The following DYNC1H1 variants were observed in gnomAD, a reference collection of about 807,000 sequenced individuals.
The protein encoded by DYNC1H1 is dynein cytoplasmic 1 heavy chain 1.
In DYNC1H1, 51 loss-of-function variants were observed where a neutral mutation model predicts 527.1. That is an observed-to-expected ratio of 0.10 (90% confidence interval 0.08 to 0.12). The LOEUF is 0.12. DYNC1H1 is among the 10% of genes least tolerant of loss of function. The probability of loss-of-function intolerance (pLI) is 1.00; values close to 1 mark genes in which losing one functional copy is unlikely to be tolerated. For synonymous variants in DYNC1H1, 2,189 were observed against 2,278.8 expected (o/e 0.96, Z 1.12); for missense variants, 2,771 against 5,971.8 (o/e 0.46, Z 17.66).
Position 102,011,784 on chromosome 14 carries a change from C to T in DYNC1H1, c.6619-91C>T. 2 of 1,364,768 alleles carry T rather than the reference C, an allele frequency of 1.5e-6. No homozygotes were observed. The highest frequency in any genetic ancestry group is 1.0e-6 in the Non-Finnish European group (1 of 959,380). 84.5% of individuals were successfully genotyped at this position (1,364,768 alleles called of 1,614,324 possible). Reference sequence around the variant, plus strand: ...AAAAAAAAATCCACACATAATGTTTCTTGCTCACTTTCACAAGAGGTGGCT... The same window carrying T: ...AAAAAAAAATCCACACATAATGTTTTTTGCTCACTTTCACAAGAGGTGGCT... On this transcript the variant is annotated intron_variant, in intron 32 of 77. Transcript: ENST00000360184. This position sits in a 1 kb window ranked among gnomAD's most constrained non-coding sequence, Gnocchi z 5.3.
Position 102,036,334 on chromosome 14 carries a change from C to A in DYNC1H1, c.10755-155C>A. The A allele has an allele frequency of 1.1e-6, 1 of 888,410 alleles. No individual in the cohort carries two copies. The highest frequency in any genetic ancestry group is 1.8e-6 in the Non-Finnish European group (1 of 551,682). The allele number at this position is 888,410 out of a possible 1,614,324, so 55.0% of individuals were successfully genotyped here. ...GTGATGTTAGCATTAAGCATGTAAG[C>A]TTTATTGGTAAACCTGAAAACGTCT... On this transcript the variant is annotated intron_variant, in intron 56 of 77. Transcript: ENST00000360184. This position sits in a 1 kb window ranked among gnomAD's most constrained non-coding sequence, Gnocchi z 5.6.
In DYNC1H1 at chr14:102,010,077, C is replaced by T. The variant is rs757634780; in HGVS notation, c.6212C>T (p.Pro2071Leu). The T allele has an allele frequency of 6.2e-7, 1 of 1,613,636 alleles. No individual in the cohort carries two copies. Among genetic ancestry groups the T allele is most frequent in the Non-Finnish European group, 8.5e-7 (1 of 1,180,038 alleles). The change falls in exon 30 of 78, where the codon CCG becomes CTG. Residue 2071 changes from proline (P) to leucine (L), a missense_variant. Around this residue, in one of 32 missense-constraint regions of DYNC1H1, gnomAD observed 19 missense variants for 90.4 expected, o/e 0.21. Coordinates refer to ENST00000360184, the MANE Select transcript of DYNC1H1 (RefSeq NM_001376.5). This position sits in a 1 kb window ranked among gnomAD's most constrained non-coding sequence, Gnocchi z 6.0. ...GAAGTGCTTGCCAACAAAATCGTCC[C>T]GTTTTTTAAGTAAGTAGCCTAGAAT... Reference protein sequence around the residue: ...TAEVLANKIVPFFKLCDEQLS... With the variant: ...TAEVLANKIVLFFKLCDEQLS...
intron 27 of DYNC1H1, 84 bp downstream of exon 27, chr14:102,006,254 T>G: frequency 6.3e-7 from 1 of 1,580,638 alleles, no homozygotes; most frequent in East Asian, 2.3e-5. Context: ...TGTACTTCTT[T>G]TTGAGATGGA....
chr14:102,025,395 ACTCTGT>A (rs1416451104), intron 43 of DYNC1H1, among the ~76,000 whole-genome samples: 2 of 147,630 alleles, frequency 1.4e-5, no homozygotes, highest in Admixed American at 6.8e-5. Context: ...ACAGAGGGAG[ACTCTGT>A]CTCAAAAAAA....
Position 102,027,015 on chromosome 14 carries a change from C to A in DYNC1H1, c.8772-159C>A. 1 of 940,530 alleles carries A rather than the reference C, an allele frequency of 1.1e-6. No homozygotes were observed. The highest frequency in any genetic ancestry group is 1.7e-6 in the Non-Finnish European group (1 of 582,240). 58.3% of individuals were successfully genotyped at this position (940,530 alleles called of 1,614,324 possible). ...CAGGACCGTGTCTTACTGGTCTTTGCATTCCTCCTGGACTTCACAAATAAC... is the reference window on the plus strand; with the variant it reads ...CAGGACCGTGTCTTACTGGTCTTTGAATTCCTCCTGGACTTCACAAATAAC... On this transcript the variant is annotated intron_variant, in intron 44 of 77. Coordinates refer to ENST00000360184, the MANE Select transcript of DYNC1H1 (RefSeq NM_001376.5). This position sits in a 1 kb window ranked among gnomAD's most constrained non-coding sequence, Gnocchi z 7.7.
Position 102,006,142 on chromosome 14 carries a change from G to A in DYNC1H1, c.5688G>A (p.Leu1896=), listed in dbSNP as rs2048193879. 1.2e-6 allele frequency: 2 copies of A among 1,613,982 alleles called. No individual in the cohort carries two copies. Among genetic ancestry groups the A allele is most frequent in the Admixed American group, 1.7e-5 (1 of 60,014 alleles). Residue 1896 remains leucine, a synonymous_variant, in exon 27 of 78, where the codon TTG becomes TTA. Coordinates refer to ENST00000360184, the MANE Select transcript of DYNC1H1 (RefSeq NM_001376.5). ...DRCYLTMTQA[L]EARLGGSPFG... ...GCTATTTGACAATGACACAAGCCTT[G>A]GAGGCCAGGCTGGGGGGTTCCCCAT... is the stretch of plus-strand genomic sequence containing the variant.
rs761312493 is a variant in DYNC1H1 at position 102,008,246 on chromosome 14, C to A, written c.5886C>A (p.Arg1962=). Residue 1962 remains arginine (R), a synonymous_variant, in exon 29 of 78, where the codon CGC becomes CGA. Transcript: ENST00000360184. ...GAWGCFDEFN[R]LEERMLSAVS... ...GGGGCTGCTTTGACGAGTTCAACCG[C>A]CTGGAGGAGCGGATGCTCTCGGCTG... The A allele has an allele frequency of 1.2e-6, 2 of 1,614,218 alleles. No homozygotes were observed. Among genetic ancestry groups the A allele is most frequent in the Non-Finnish European group, 1.7e-6 (2 of 1,180,034 alleles).
Position 102,011,896 on chromosome 14 carries a change from A to G in DYNC1H1, c.6640A>G (p.Thr2214Ala). ...VEKVLQLYQI[T>A]QINHGLMMVG... ...GCAGGTTCTCCAGCTCTATCAGATC[A>G]CCCAGATCAATCATGGCCTGATGAT... The change falls in exon 33 of 78, where the codon ACC becomes GCC. Residue 2214 changes from threonine to alanine, a missense_variant. By Grantham distance (58) the Thr-to-Ala change is moderately conservative. This residue lies in a region of DYNC1H1 where 56 missense variants were observed against 140.6 expected (regional missense o/e 0.40). Coordinates refer to ENST00000360184, the MANE Select transcript of DYNC1H1 (RefSeq NM_001376.5). The surrounding 1 kb of genome is among the most constrained non-coding windows in gnomAD (Gnocchi z 5.3). 8 of 1,614,062 alleles carry G rather than the reference A, an allele frequency of 5.0e-6. No individual in the cohort carries two copies. Among genetic ancestry groups the G allele is most frequent in the Non-Finnish European group, 6.8e-6 (8 of 1,180,016 alleles).
chr14:102,006,667 C>T (rs1185377620), intron 27 of DYNC1H1, among the ~76,000 whole-genome samples: 1 of 151,928 alleles, frequency 6.6e-6, no homozygotes, highest in African/African-American at 2.4e-5. Context: ...GTGGTGCAAC[C>T]TTGGCTCATT....
At position 102,000,575 on chromosome 14, in the gene DYNC1H1, T is replaced by C. The variant is rs1198239924; in HGVS notation, c.4074+176T>C. 2.2e-5 allele frequency: 7 copies of C among 314,220 alleles called. No homozygotes were observed. The East Asian group carries it at 4.8e-4, about 21-fold the overall frequency. The allele number at this position is 314,220 out of a possible 1,614,324, so 19.5% of individuals were successfully genotyped here. On this transcript the variant is annotated intron_variant, in intron 18 of 77. Transcript: ENST00000360184. ...TACTGTAAAACTTATTTTGAAACCTTTTTTTTTTTTTTTTTTGAGACGGAG... is the reference window on the plus strand; with the variant it reads ...TACTGTAAAACTTATTTTGAAACCTCTTTTTTTTTTTTTTTTGAGACGGAG...
intron 23 of DYNC1H1, among the ~76,000 whole-genome samples, chr14:102,003,883 G>A (rs573740694): frequency 9.5e-4 from 144 of 151,762 alleles, no homozygotes; most frequent in African/African-American, 3.3e-3. Flanking sequence ...CCACGATTGC[G>A]CCGCTGCACT....
rs758289745 is a variant in DYNC1H1, at chr14:102,008,154, C to T, written c.5818-24C>T. 1.7e-5 allele frequency: 28 copies of T among 1,612,870 alleles called. No homozygotes were observed. In the South Asian group the frequency reaches 1.9e-4, roughly 11 times the overall value. ...TTGAGGGCACAGCAGGTGGTTTTAG[C>T]GCCTTTCTTCCTCTCCTTTCCAGGC... is the stretch of plus-strand genomic sequence containing the variant. On this transcript the variant is annotated intron_variant, in intron 28 of 77. Coordinates refer to ENST00000360184, the MANE Select transcript of DYNC1H1 (RefSeq NM_001376.5).
Position 102,001,825 on chromosome 14 carries a change from G to A in DYNC1H1, c.4542+144G>A. 5 of 1,179,684 alleles carry A rather than the reference G, an allele frequency of 4.2e-6. No homozygotes were observed. The highest frequency in any genetic ancestry group is 2.8e-5 in the South Asian group (2 of 71,144). The allele number at this position is 1,179,684 out of a possible 1,614,324, so 73.1% of individuals were successfully genotyped here. On this transcript the variant is annotated intron_variant, in intron 21 of 77. Transcript: ENST00000360184. The surrounding 1 kb of genome is among the most constrained non-coding windows in gnomAD (Gnocchi z 5.0). ...CTCACTCTGTCTCCCACGCTGGAGTGCAGTGGCACCATCACAGCTCACTGC... is the reference window on the plus strand; with the variant it reads ...CTCACTCTGTCTCCCACGCTGGAGTACAGTGGCACCATCACAGCTCACTGC...
intron 74 of DYNC1H1, 160 bp downstream of exon 74, chr14:102,048,829 G>A (rs2152600681): frequency 3.0e-5 from 9 of 299,550 alleles, no homozygotes; most frequent in East Asian, 1.1e-4. Flanking sequence ...CGGGGGGAGG[G>A]GAGGAGCTTA....
At chr14:102,032,766 T>G in intron 52 of DYNC1H1, 1 of 559,492 alleles carries the variant, frequency 1.8e-6, no homozygotes, top group Non-Finnish European at 3.2e-6. Flanking sequence ...GGTGGGAGGA[T>G]TGCCTGAACC....
At position 101,997,283 on chromosome 14, in the gene DYNC1H1, C is replaced by T. The variant is rs377635872; in HGVS notation, c.3804+9C>T. 1.0e-4 allele frequency: 162 copies of T among 1,613,898 alleles called. 1 individual carries two copies. Among genetic ancestry groups the T allele is most frequent in the South Asian group, 1.2e-4 (11 of 91,046 alleles). On this transcript the variant is annotated intron_variant, in intron 16 of 77. Transcript: ENST00000360184. The surrounding 1 kb of genome is among the most constrained non-coding windows in gnomAD (Gnocchi z 4.8). The stretch of plus-strand genomic sequence containing the variant: ...AGACCAAGCCTGTCACGGTGAGTCC[C>T]GCCAGGTGGGGACGCAGGAGACTCC...
Position 101,964,905 on chromosome 14 carries a change from C to A in DYNC1H1, c.214C>A (p.Pro72Thr). ...LEQMRKFLSD[P>T]QVHTVLVERS... ...GCAGATGCGCAAGTTCCTTTCGGAC[C>A]CGCAGGTCCACACGGTGCTGGTGGA... Residue 72 changes from proline (P) to threonine (T), a missense_variant, in exon 1 of 78, where the codon CCG becomes ACG. This residue lies in a region of DYNC1H1 where 101 missense variants were observed against 105.3 expected (regional missense o/e 0.96). Coordinates refer to ENST00000360184, the MANE Select transcript of DYNC1H1 (RefSeq NM_001376.5). This position sits in a 1 kb window ranked among gnomAD's most constrained non-coding sequence, Gnocchi z 5.5. 6.2e-7 allele frequency: 1 copy of A among 1,600,538 alleles called. No individual in the cohort carries two copies. Among genetic ancestry groups the A allele is most frequent in the Non-Finnish European group, 8.5e-7 (1 of 1,174,762 alleles).
Position 101,986,366 on chromosome 14 carries a change from C to T in DYNC1H1, c.2141C>T (p.Ser714Leu), listed in dbSNP as rs1429466018. 4 of 1,613,994 alleles carry T rather than the reference C, an allele frequency of 2.5e-6. No individual in the cohort carries two copies. The highest frequency in any genetic ancestry group is 1.1e-5 in the South Asian group (1 of 91,068). The change falls in exon 8 of 78, where the codon TCG becomes TTG. Residue 714 changes from serine (S) to leucine (L), a missense_variant. Transcript: ENST00000360184. This position sits in a 1 kb window ranked among gnomAD's most constrained non-coding sequence, Gnocchi z 8.7. ...RKVQQRNLGV[S>L]GRIFTIESTR... is the part of the protein sequence containing the mutation. The stretch of plus-strand genomic sequence containing the variant: ...GTGCAGCAGCGCAACCTCGGTGTCT[C>T]GGGGCGCATTTTCACCATCGAAAGT...
At chr14:102,019,226 C>T (rs977911470) in intron 41 of DYNC1H1, among the ~76,000 whole-genome samples, 3 of 152,234 alleles carry the variant, frequency 2.0e-5, no homozygotes, top group African/African-American at 7.2e-5. Context: ...CAGCAGCACC[C>T]GCTTCCCTGT....
Sources: allele counts gnomAD v4.1 joint callset (sites outside exome capture counted in the v4.1 genomes callset), GRCh38; gene constraint gnomAD v4.1.1; regional missense constraint gnomAD v4.1.1; non-coding constraint Gnocchi (gnomAD v3.1); transcripts MANE v1.5; gene names NCBI Gene and HGNC (gene_info 2026-07-23, HGNC 2026-07-21).